The following AKAP13 variants were observed in gnomAD, a reference collection of about 807,000 sequenced individuals.
AKAP13 encodes the protein A-kinase anchoring protein 13.
AKAP13 carries 80 observed loss-of-function variants against 264.5 expected under a neutral mutation model. The observed-to-expected ratio is 0.30, with a 90% CI of 0.25 to 0.36. AKAP13 has a LOEUF of 0.36. AKAP13 is among the 10% of genes least tolerant of loss of function. The pLI is 1.00. For missense variants in AKAP13, 3,712 were observed against 3,435.2 expected, an observed-to-expected ratio of 1.08 and a Z score of -2.01; for synonymous variants, 1,380 against 1,250.2, an observed-to-expected ratio of 1.10 and a Z score of -2.19.
rs541365675 is a variant in AKAP13, at chr15:85,631,163, G to T, written c.4162-8211G>T. 3.9e-5 allele frequency among the ~76,000 whole-genome samples: 6 copies of T among 152,244 alleles called. No homozygotes were observed. The South Asian group carries it at 1.2e-3, about 32-fold the overall frequency. On this transcript the variant is annotated intron_variant, in intron 8 of 36. Transcript: ENST00000394518. ...CTCAAAAACATTTTGCTAAGTGAAA[G>T]AACCCAGCATGAAAGACCAAATAAT...
chr15:85,619,272 C>T lies in AKAP13; in HGVS notation c.4162-20102C>T, dbSNP rs539203193. 8.6e-5 allele frequency: 60 copies of T among 697,162 alleles called. No individual in the cohort carries two copies. The South Asian group carries it at 3.0e-3, about 35-fold the overall frequency. 43.2% of individuals were successfully genotyped at this position (697,162 alleles called of 1,614,324 possible). On this transcript the variant is annotated intron_variant, in intron 8 of 36. Coordinates refer to ENST00000394518, the MANE Select transcript of AKAP13 (RefSeq NM_007200.5). ...TTGGGTTTTCAAACCTCCAAGGCTG[C>T]GGGTGCGGAGCTGAAAGGGCAAGCA...
chr15:85,564,570 A>C (rs2078535871), intron 5 of AKAP13, among the ~76,000 whole-genome samples: 1 of 152,178 alleles, frequency 6.6e-6, no homozygotes, highest in African/African-American at 2.4e-5. Context: ...GTGTTCTTTT[A>C]AGTATTTTTC....
intron 1 of AKAP13, among the ~76,000 whole-genome samples, chr15:85,440,252 C>G (rs1328438051): frequency 6.6e-6 from 1 of 152,170 alleles, no homozygotes; most frequent in East Asian, 1.9e-4. Flanking sequence ...CTAGCAGGTC[C>G]TCAGCTAGCT....
At chr15:85,678,131 TAC>T (rs1316752601) in intron 14 of AKAP13, among the ~76,000 whole-genome samples, 1 of 152,202 alleles carries the variant, frequency 6.6e-6, no homozygotes. Flanking sequence ...TCATGAAAAT[TAC>T]AGTCTTCAAT....
At position 85,581,026 on chromosome 15, in the gene AKAP13, A is replaced by G; in HGVS notation, c.2958A>G (p.Ala986=). 1 of 1,613,926 alleles carries G rather than the reference A, an allele frequency of 6.2e-7. No individual in the cohort carries two copies. Among genetic ancestry groups the G allele is most frequent in the East Asian group, 2.2e-5 (1 of 44,882 alleles). The part of the protein sequence containing the change: ...KALQLSNSPG[A]SSAFLKAETE... ...TTCAGCTAAGTAATTCACCGGGTGC[A>G]TCCTCTGCCTTTCTTAAGGCAGAAA... Residue 986 remains alanine, a synonymous_variant, in exon 7 of 37, where the codon GCA becomes GCG. Transcript: ENST00000394518.
chr15:85,723,621 A>G (rs1007614469), intron 26 of AKAP13, among the ~76,000 whole-genome samples: 1 of 152,222 alleles, frequency 6.6e-6, no homozygotes, highest in African/African-American at 2.4e-5. Context: ...CAAGCTGTCA[A>G]GGAAGGTGTA....
At chr15:85,737,607 T>G (rs76668299) in intron 33 of AKAP13, among the ~76,000 whole-genome samples, 1 of 152,176 alleles carries the variant, frequency 6.6e-6, no homozygotes, top group Non-Finnish European at 1.5e-5. Flanking sequence ...AAAGTCTAAA[T>G]ACAGTGGAGT....
chr15:85,457,256 G>C (rs1488611879), intron 1 of AKAP13, among the ~76,000 whole-genome samples: 1 of 151,942 alleles, frequency 6.6e-6, no homozygotes, highest in African/African-American at 2.4e-5. Context: ...CTTTTTTTTG[G>C]TGATTGAGGG....
At chr15:85,682,755 C>T (rs1052294351) in intron 15 of AKAP13, among the ~76,000 whole-genome samples, 4 of 152,092 alleles carry the variant, frequency 2.6e-5, no homozygotes, top group Admixed American at 2.6e-4. Flanking sequence ...GCAACCTCTG[C>T]CTCCCAGGTT....
At chr15:85,557,398 A>C (rs956016559) in intron 5 of AKAP13, among the ~76,000 whole-genome samples, 3 of 152,126 alleles carry the variant, frequency 2.0e-5, no homozygotes, top group Admixed American at 2.0e-4. Context: ...TTTGTTCCTG[A>C]TATTTCACAT....
At chr15:85,414,208 A>C (rs114158159) in intron 1 of AKAP13, among the ~76,000 whole-genome samples, 1,900 of 152,128 alleles carry the variant, frequency 0.012, 47 homozygotes, top group African/African-American at 0.043. Context: ...CTTGTCTTTC[A>C]GATTTGTATT....
chr15:85,421,186 C>T (rs1200674546), intron 1 of AKAP13, among the ~76,000 whole-genome samples: 1 of 152,144 alleles, frequency 6.6e-6, no homozygotes, highest in African/African-American at 2.4e-5. Context: ...GTCCAAGGCA[C>T]ATATAATTAG....
intron 8 of AKAP13, among the ~76,000 whole-genome samples, chr15:85,586,310 C>T (rs2079344144): frequency 6.6e-6 from 1 of 151,976 alleles, no homozygotes; most frequent in Non-Finnish European, 1.5e-5. Context: ...CCTGCCTTCG[C>T]CTCCTGCCTA....
At chr15:85,697,206 A>G (rs1361950807) in intron 17 of AKAP13, among the ~76,000 whole-genome samples, 1 of 152,242 alleles carries the variant, frequency 6.6e-6, no homozygotes, top group African/African-American at 2.4e-5. Flanking sequence ...TAAAAGATAC[A>G]TAGATGCCAC....
At chr15:85,500,335 A>G (rs573085161) in intron 2 of AKAP13, among the ~76,000 whole-genome samples, 3 of 152,312 alleles carry the variant, frequency 2.0e-5, no homozygotes, top group East Asian at 1.9e-4. Context: ...TTCTTACTAC[A>G]CAAATCTCAT....
At chr15:85,448,875 AAAG>A (rs928184542) in intron 1 of AKAP13, among the ~76,000 whole-genome samples, 13 of 151,136 alleles carry the variant, frequency 8.6e-5, no homozygotes, top group Non-Finnish European at 1.8e-4. Flanking sequence ...TGAAAAGAAA[AAAG>A]AAAACTTTTT....
intron 1 of AKAP13, among the ~76,000 whole-genome samples, chr15:85,403,472 C>G (rs1377320218): frequency 6.6e-6 from 1 of 152,164 alleles, no homozygotes; most frequent in African/African-American, 2.4e-5. Flanking sequence ...ATTTCCCAGC[C>G]TATTTCAAGA....
intron 8 of AKAP13, among the ~76,000 whole-genome samples, chr15:85,622,250 A>G (rs1056353268): frequency 6.6e-6 from 1 of 152,182 alleles, no homozygotes; most frequent in African/African-American, 2.4e-5. Context: ...GGGCAGAACT[A>G]TTTCAGATAG....
At chr15:85,658,028 G>GA (rs2083179633) in intron 11 of AKAP13, among the ~76,000 whole-genome samples, 2 of 152,044 alleles carry the variant, frequency 1.3e-5, no homozygotes, top group Non-Finnish European at 2.9e-5. Context: ...TTCAGTTCTA[G>GA]ACTGAACTGA....
Sources: gnomAD v4.1 joint callset for allele counts (sites outside exome capture counted in the v4.1 genomes callset) on GRCh38, gnomAD v4.1.1 for gene constraint, MANE v1.5 for transcripts, NCBI Gene and HGNC (gene_info 2026-07-23, HGNC 2026-07-21) for gene names.